FGGY: variants seen among roughly 807,000 people sequenced by gnomAD.
FGGY encodes FGGY carbohydrate kinase domain-containing protein.
FGGY carries 72 observed loss-of-function variants against 71.3 expected under a neutral mutation model. The observed-to-expected ratio is 1.01, with a 90% CI of 0.84 to 1.23. FGGY has a LOEUF of 1.23. FGGY is among the 50% of genes most tolerant of loss of function. The probability of loss-of-function intolerance (pLI) is 0.00; values close to 1 mark genes in which losing one functional copy is unlikely to be tolerated. For synonymous variants in FGGY, 251 were observed against 250.3 expected (o/e 1.00, Z -0.02); for missense variants, 668 against 682.3 (o/e 0.98, Z 0.23).
chr1:59,516,027 A>G (rs1057281063), intron 7 of FGGY, among the ~76,000 whole-genome samples: 4 of 152,222 alleles, frequency 2.6e-5, no homozygotes, highest in Non-Finnish European at 5.9e-5. Context: ...GTGATAGTCC[A>G]TGATGACGGG....
chr1:59,460,519 G>A (rs532151777), intron 6 of FGGY, among the ~76,000 whole-genome samples: 5 of 152,200 alleles, frequency 3.3e-5, no homozygotes, highest in African/African-American at 1.2e-4. Context: ...AGTCTTAAAC[G>A]TTCCTGTCTG....
chr1:59,350,918 C>A (rs1404341335), intron 4 of FGGY, among the ~76,000 whole-genome samples: 1 of 152,204 alleles, frequency 6.6e-6, no homozygotes, highest in Non-Finnish European at 1.5e-5. Context: ...CAGGAATCCA[C>A]TTAGAGTTTT....
intron 14 of FGGY, among the ~76,000 whole-genome samples, chr1:59,694,287 TTAAA>T (rs10590302): frequency 0.19 from 27,714 of 143,624 alleles, 2,843 homozygotes; most frequent in Middle Eastern, 0.29. Context: ...AGACTCCGTC[TTAAA>T]TAAATAAATA....
At chr1:59,724,974 T>G (rs2097929790) in intron 14 of FGGY, among the ~76,000 whole-genome samples, 1 of 152,226 alleles carries the variant, frequency 6.6e-6, no homozygotes, top group African/African-American at 2.4e-5. Context: ...ATTTTAGTGA[T>G]CCAGCTTATC....
At chr1:59,531,699 T>C (rs2095148863) in intron 7 of FGGY, among the ~76,000 whole-genome samples, 1 of 152,228 alleles carries the variant, frequency 6.6e-6, no homozygotes, top group South Asian at 2.1e-4. Context: ...TTGGGCAGTC[T>C]GCAGGCTGGA....
chr1:59,321,815 C>T, intron 2 of FGGY, 65 bp downstream of exon 2: 1 of 1,498,596 alleles, frequency 6.7e-7, no homozygotes, highest in Non-Finnish European at 9.1e-7. Flanking sequence ...GTGTGTCAAT[C>T]TGGTGCCGTA....
intron 14 of FGGY, among the ~76,000 whole-genome samples, 172 bp from the exon 15 acceptor site, chr1:59,757,759 C>A (rs2098305447): frequency 6.6e-6 from 1 of 151,936 alleles, no homozygotes; most frequent in Non-Finnish European, 1.5e-5. Context: ...GTGTTTTATT[C>A]CTATTTTTGT....
At chr1:59,608,378 A>G (rs2096643806) in intron 9 of FGGY, among the ~76,000 whole-genome samples, 1 of 152,060 alleles carries the variant, frequency 6.6e-6, no homozygotes, top group South Asian at 2.1e-4. Context: ...CTGTCATTGC[A>G]CTTCTCTGTC....
chr1:59,687,458 A>G (rs1315977606), intron 14 of FGGY, among the ~76,000 whole-genome samples: 1 of 151,312 alleles, frequency 6.6e-6, no homozygotes, highest in Non-Finnish European at 1.5e-5. Flanking sequence ...TTCTGTCACT[A>G]ATGAAACTAA....
At position 59,566,953 on chromosome 1, in the gene FGGY, G is replaced by A. The variant is rs536568634; in HGVS notation, c.903+12726G>A. Among the ~76,000 whole-genome samples, 4 of 152,202 alleles carry A rather than the reference G, an allele frequency of 2.6e-5. No homozygotes were observed. The South Asian group carries it at 6.2e-4, about 24-fold the overall frequency. ...TTATTACTTAGGGAGATAACAGAAG[G>A]ATATCATACAATAGTACATTGCCAT... On this transcript the variant is annotated intron_variant, in intron 8 of 15. Transcript: ENST00000303721.
At chr1:59,688,552 G>A in intron 14 of FGGY, among the ~76,000 whole-genome samples, 1 of 152,144 alleles carries the variant, frequency 6.6e-6, no homozygotes, top group Non-Finnish European at 1.5e-5. Flanking sequence ...GGTTTATGTG[G>A]AAAGTTTATT....
chr1:59,320,478 G>A (rs1343348748), intron 1 of FGGY, among the ~76,000 whole-genome samples: 1 of 152,116 alleles, frequency 6.6e-6, no homozygotes, highest in Non-Finnish European at 1.5e-5. Context: ...TGTGTTGGGG[G>A]CTTGTTCTTA....
At chr1:59,590,687 C>A (rs1036935508) in intron 8 of FGGY, among the ~76,000 whole-genome samples, 5 of 152,130 alleles carry the variant, frequency 3.3e-5, no homozygotes, top group Admixed American at 6.5e-5. Flanking sequence ...AAGGAAAAAA[C>A]CACATGATTA....
chr1:59,660,421 A>AG (rs2097263865), intron 12 of FGGY, 128 bp downstream of exon 12: 8 of 657,264 alleles, frequency 1.2e-5, no homozygotes, highest in Middle Eastern at 2.9e-4. Context: ...TTTGCAAAAA[A>AG]GAGATTCTTG....
chr1:59,583,299 G>T (rs1280873137), intron 8 of FGGY, among the ~76,000 whole-genome samples: 1 of 143,084 alleles, frequency 7.0e-6, no homozygotes, highest in Non-Finnish European at 1.5e-5. Context: ...AAGCTATAAG[G>T]GTGATTCTGA....
chr1:59,342,797 A>T (rs1361323174), intron 3 of FGGY, among the ~76,000 whole-genome samples: 1 of 152,194 alleles, frequency 6.6e-6, no homozygotes, highest in African/African-American at 2.4e-5. Context: ...CCAAACCCAT[A>T]AGACCAGCAA....
At chr1:59,334,708 AT>A (rs199502199) in intron 2 of FGGY, among the ~76,000 whole-genome samples, 5 of 152,110 alleles carry the variant, frequency 3.3e-5, no homozygotes, top group African/African-American at 4.8e-5. Flanking sequence ...CAGGAAAAAA[AT>A]AATTATATAT....
At chr1:59,484,341 C>A (rs2093594527) in intron 6 of FGGY, among the ~76,000 whole-genome samples, 1 of 152,156 alleles carries the variant, frequency 6.6e-6, no homozygotes, top group African/African-American at 2.4e-5. Flanking sequence ...TCTGCATTCT[C>A]CCTTATATCA....
intron 5 of FGGY, among the ~76,000 whole-genome samples, chr1:59,451,720 C>T (rs1179158522): frequency 6.6e-6 from 1 of 152,044 alleles, no homozygotes; most frequent in African/African-American, 2.4e-5. Flanking sequence ...CTTTTTGAAT[C>T]CTTGTGTGTT....
Sources: gnomAD v4.1 joint callset for allele counts (sites outside exome capture counted in the v4.1 genomes callset) on GRCh38, gnomAD v4.1.1 for gene constraint, MANE v1.5 for transcripts, NCBI Gene and HGNC (gene_info 2026-07-23, HGNC 2026-07-21) for gene names.